PTPRT: variants seen among roughly 807,000 people sequenced by gnomAD.
PTPRT encodes protein tyrosine phosphatase receptor type T.
In PTPRT, 56 loss-of-function variants were observed where a neutral mutation model predicts 176.8. The ratio of observed to expected loss-of-function variants is 0.32; its 90% CI spans 0.26 to 0.40. The LOEUF is 0.40. Ranked by LOEUF, PTPRT falls within the 10% of genes least tolerant of loss-of-function variation. PTPRT has a pLI of 1.00. For synonymous variants in PTPRT, 783 were observed against 739.0 expected (o/e 1.06, Z -0.96); for missense variants, 1,540 against 1,908.2 (o/e 0.81, Z 3.60).
intron 2 of PTPRT, among the ~76,000 whole-genome samples, chr20:42,828,480 C>T (rs2078033524): frequency 6.6e-6 from 1 of 152,146 alleles, no homozygotes; most frequent in Admixed American, 6.5e-5. Context: ...TAATGAGGAG[C>T]CGAATGTTAA....
chr20:42,683,330 T>G (rs1764550221), intron 6 of PTPRT, among the ~76,000 whole-genome samples: 1 of 144,360 alleles, frequency 6.9e-6, no homozygotes, highest in African/African-American at 2.6e-5. Context: ...CAGGCTGGAG[T>G]GCAGTGGTGC....
chr20:42,638,509 A>G (rs986382084), intron 7 of PTPRT, among the ~76,000 whole-genome samples: 2 of 152,106 alleles, frequency 1.3e-5, no homozygotes, highest in Non-Finnish European at 1.5e-5. Flanking sequence ...AGTTGGGCCC[A>G]ACAATGGATT....
chr20:42,048,915 G>A, the PTPRT span, among the ~76,000 whole-genome samples: 5 of 152,072 alleles, frequency 3.3e-5, no homozygotes, highest in East Asian at 3.9e-4. Flanking sequence ...TCTGCCTCCC[G>A]GGTTCAAGCA....
chr20:42,236,300 TG>T, intron 14 of PTPRT, 42 bp from the exon 15 acceptor site: 3 of 1,477,956 alleles, frequency 2.0e-6, no homozygotes, highest in South Asian at 2.4e-5. Flanking sequence ...ATGTCCAAAA[TG>T]GGGGAAAAAG....
At chr20:42,574,191 A>G (rs2073215290) in intron 7 of PTPRT, among the ~76,000 whole-genome samples, 1 of 152,180 alleles carries the variant, frequency 6.6e-6, no homozygotes, top group Non-Finnish European at 1.5e-5. Flanking sequence ...TATTTTATTT[A>G]AAACACTCAG....
chr20:42,037,406 C>T, the PTPRT span, among the ~76,000 whole-genome samples: 38 of 152,242 alleles, frequency 2.5e-4, no homozygotes, highest in Admixed American at 2.2e-3. Context: ...ACAGGGGACC[C>T]TATAACACTT....
intron 1 of PTPRT, among the ~76,000 whole-genome samples, chr20:42,945,666 C>T (rs547518014): frequency 6.4e-4 from 98 of 152,354 alleles, no homozygotes; most frequent in African/African-American, 2.3e-3. Flanking sequence ...GGGCTCTGTG[C>T]TCTGCATCAG....
At chr20:42,148,999 G>A (rs1989004168) in intron 17 of PTPRT, among the ~76,000 whole-genome samples, 1 of 152,126 alleles carries the variant, frequency 6.6e-6, no homozygotes, top group African/African-American at 2.4e-5. Context: ...CCCACATTCT[G>A]AGTCCTTCCT....
intron 7 of PTPRT, among the ~76,000 whole-genome samples, chr20:42,508,777 T>C (rs984905245): frequency 2.6e-5 from 4 of 151,550 alleles, no homozygotes; most frequent in Non-Finnish European, 4.4e-5. Context: ...ATTACTGTTG[T>C]TATTGGTCCA....
At chr20:42,653,122 T>C (rs905063923) in intron 7 of PTPRT, among the ~76,000 whole-genome samples, 1 of 152,172 alleles carries the variant, frequency 6.6e-6, no homozygotes, top group Admixed American at 6.5e-5. Context: ...TATTGAACCA[T>C]AGAGGCGGTT....
chr20:42,375,582 C>A (rs1423453825), intron 9 of PTPRT, among the ~76,000 whole-genome samples: 1 of 152,168 alleles, frequency 6.6e-6, no homozygotes, highest in Non-Finnish European at 1.5e-5. Context: ...GGCTTCCCAG[C>A]CTCCTAGAAG....
chr20:42,251,717 T>TAAAAAA (rs5841455), intron 13 of PTPRT, among the ~76,000 whole-genome samples: 2 of 143,578 alleles, frequency 1.4e-5, no homozygotes, highest in African/African-American at 2.6e-5. Context: ...CTGTTGTACT[T>TAAAAAA]AAAAAACAAA....
chr20:42,137,587 G>C (rs1389225624), intron 18 of PTPRT, among the ~76,000 whole-genome samples: 1 of 152,180 alleles, frequency 6.6e-6, no homozygotes, highest in Non-Finnish European at 1.5e-5. Flanking sequence ...CAGACTTGCT[G>C]TGTGCTCTCG....
At chr20:42,945,182 G>T (rs1189354531) in intron 1 of PTPRT, among the ~76,000 whole-genome samples, 1 of 150,902 alleles carries the variant, frequency 6.6e-6, no homozygotes, top group Non-Finnish European at 1.5e-5. Context: ...TAACTCTAAA[G>T]ATACATATAT....
intron 1 of PTPRT, among the ~76,000 whole-genome samples, chr20:43,028,826 C>T (rs1986023273): frequency 6.6e-6 from 1 of 152,168 alleles, no homozygotes. Context: ...AAGAGGAGAA[C>T]TGAAATCAGG....
At chr20:42,270,780 G>T (rs931835716) in intron 13 of PTPRT, among the ~76,000 whole-genome samples, 1 of 151,970 alleles carries the variant, frequency 6.6e-6, no homozygotes, top group African/African-American at 2.4e-5. Context: ...TTTTTCCACC[G>T]AAACTACTTC....
chr20:42,201,950 C>CGTGCGTGTGT (rs1991468638), intron 15 of PTPRT, among the ~76,000 whole-genome samples: 1 of 143,116 alleles, frequency 7.0e-6, no homozygotes. Context: ...AGAAAAGTTG[C>CGTGCGTGTGT]GTGTGTGTGT....
chr20:42,506,175 T>C (rs891312660), intron 7 of PTPRT, among the ~76,000 whole-genome samples: 4 of 152,202 alleles, frequency 2.6e-5, no homozygotes, highest in Non-Finnish European at 5.9e-5. Context: ...AAATTGTATA[T>C]GTAATGTACA....
chr20:42,611,940 C>G (rs940819155), intron 7 of PTPRT, among the ~76,000 whole-genome samples: 1 of 152,170 alleles, frequency 6.6e-6, no homozygotes, highest in Admixed American at 6.5e-5. Flanking sequence ...CATCAGACTT[C>G]CAGGAAATCT....
Sources: gnomAD v4.1 joint callset for allele counts (sites outside exome capture counted in the v4.1 genomes callset) on GRCh38, gnomAD v4.1.1 for gene constraint, MANE v1.5 for transcripts, NCBI Gene and HGNC (gene_info 2026-07-23, HGNC 2026-07-21) for gene names.